The following DAB1 variants were observed in gnomAD, a reference collection of about 807,000 sequenced individuals.
The protein encoded by DAB1 is disabled homolog 1.
In DAB1, 15 loss-of-function variants were observed where a neutral mutation model predicts 64.6. The observed-to-expected ratio is 0.23, with a 90% CI of 0.16 to 0.36. The LOEUF (loss-of-function observed/expected upper bound fraction) is 0.36. Ranked by LOEUF, DAB1 falls within the 10% of genes least tolerant of loss-of-function variation. DAB1 has a pLI of 1.00. For missense variants in DAB1, 596 were observed against 706.7 expected, an observed-to-expected ratio of 0.84 and a Z score of 1.78; for synonymous variants, 235 against 251.9, an observed-to-expected ratio of 0.93 and a Z score of 0.64.
chr1:58,123,538 C>T (rs1373507628), intron 5 of DAB1, among the ~76,000 whole-genome samples: 2 of 152,100 alleles, frequency 1.3e-5, no homozygotes, highest in East Asian at 3.9e-4. Flanking sequence ...AACAGTTTAC[C>T]TTGACGAAGC....
chr1:58,444,350 G>A (rs1463056820), intron 3 of DAB1, among the ~76,000 whole-genome samples: 1 of 152,214 alleles, frequency 6.6e-6, no homozygotes, highest in African/African-American at 2.4e-5. Flanking sequence ...GTATAAGGTA[G>A]GAATTCTCCC....
At chr1:57,676,681 C>T (rs1465387749) in intron 6 of DAB1, among the ~76,000 whole-genome samples, 3 of 152,160 alleles carry the variant, frequency 2.0e-5, no homozygotes, top group Non-Finnish European at 4.4e-5. Context: ...AAAATTACAT[C>T]TCTTTCATTT....
At chr1:58,243,778 G>A (rs533832694) in intron 4 of DAB1, among the ~76,000 whole-genome samples, 1 of 152,220 alleles carries the variant, frequency 6.6e-6, no homozygotes, top group East Asian at 1.9e-4. Flanking sequence ...AAACAAGGCA[G>A]ATATTATTTC....
intron 2 of DAB1, among the ~76,000 whole-genome samples, chr1:57,233,252 A>ATTTTTT (rs1667824189): frequency 8.8e-5 from 5 of 56,878 alleles, no homozygotes; most frequent in African/African-American, 1.2e-4. Context: ...CTTTGCTCCG[A>ATTTTTT]TTCTTTTTTT....
intron 5 of DAB1, among the ~76,000 whole-genome samples, chr1:57,909,403 T>A (rs1005464283): frequency 6.6e-6 from 1 of 152,202 alleles, no homozygotes; most frequent in African/African-American, 2.4e-5. Flanking sequence ...TAAAATAAGC[T>A]ATAATTTTAT....
intron 5 of DAB1, among the ~76,000 whole-genome samples, chr1:58,054,684 A>G (rs1344633177): frequency 6.6e-6 from 1 of 152,234 alleles, no homozygotes; most frequent in African/African-American, 2.4e-5. Flanking sequence ...ATGATAGTAA[A>G]AAGCACATTT....
intron 5 of DAB1, among the ~76,000 whole-genome samples, chr1:57,917,680 A>G (rs1644747674): frequency 1.3e-5 from 2 of 152,178 alleles, no homozygotes; most frequent in South Asian, 2.1e-4. Context: ...ATCTATCCAT[A>G]TACTTCCAGG....
At chr1:57,512,457 A>C (rs1644416479) in intron 7 of DAB1, among the ~76,000 whole-genome samples, 1 of 152,244 alleles carries the variant, frequency 6.6e-6, no homozygotes, top group Non-Finnish European at 1.5e-5. Context: ...GTAGGTACAC[A>C]AAATAGTTAA....
intron 3 of DAB1, among the ~76,000 whole-genome samples, chr1:58,470,731 C>G (rs1208123293): frequency 6.6e-6 from 1 of 152,198 alleles, no homozygotes; most frequent in African/African-American, 2.4e-5. Context: ...CTTCCTGACT[C>G]CTGTCTACTT....
chr1:58,044,434 T>C (rs1647196126), intron 5 of DAB1, among the ~76,000 whole-genome samples: 1 of 151,924 alleles, frequency 6.6e-6, no homozygotes, highest in South Asian at 2.1e-4. Flanking sequence ...TTTCGCTTCT[T>C]AGCTCTTCCA....
intron 7 of DAB1, among the ~76,000 whole-genome samples, chr1:57,514,137 T>C (rs1276831975): frequency 1.3e-5 from 2 of 152,276 alleles, no homozygotes; most frequent in African/African-American, 4.8e-5. Context: ...AATACTGCTA[T>C]GATAAACATA....
chr1:57,055,271 C>T (rs978876719), intron 9 of DAB1, among the ~76,000 whole-genome samples: 8 of 152,070 alleles, frequency 5.3e-5, no homozygotes, highest in Non-Finnish European at 1.0e-4. Flanking sequence ...GCTCACAATT[C>T]CTAGGAAAGG....
At chr1:57,284,266 C>A (rs1558088725) in intron 2 of DAB1, among the ~76,000 whole-genome samples, 1 of 152,154 alleles carries the variant, frequency 6.6e-6, no homozygotes, top group African/African-American at 2.4e-5. Flanking sequence ...AAGGCCCCCT[C>A]CCCTGCGCCA....
chr1:57,175,046 C>T (rs373721797), intron 2 of DAB1, among the ~76,000 whole-genome samples: 42 of 152,226 alleles, frequency 2.8e-4, no homozygotes, highest in East Asian at 1.2e-3. Context: ...CTCAGAAGGA[C>T]GCGACATTTT....
intron 1 of DAB1, among the ~76,000 whole-genome samples, chr1:57,319,376 T>C (rs390203): frequency 0.58 from 80,744 of 140,128 alleles, 22,362 homozygotes; most frequent in East Asian, 0.9. Context: ...CTGCCTCTTC[T>C]GTGGCAGTTT....
Position 57,984,252 on chromosome 1 carries a change from G to A in DAB1, n.388-100090C>T, listed in dbSNP as rs982264776. The stretch of plus-strand genomic sequence containing the variant: ...AGAAAGAAAGAAAGAAAGAAAGAAA[G>A]AAAGAAAGAAAAAAAATTAAACAGC... On this transcript the variant is annotated intron_variant and non_coding_transcript_variant, in intron 5 of 20. Coordinates refer to the DAB1 transcript ENST00000485760. Among the ~76,000 whole-genome samples the A allele has an allele frequency of 3.1e-3, 413 of 132,868 alleles. 6 individuals carry two copies. The highest frequency in any genetic ancestry group is 7.7e-3 in the African/African-American group (267 of 34,496). The allele number at this position is 132,868 out of a possible 152,430, so 87.2% of individuals were successfully genotyped here. A position where few individuals can be genotyped will look rare whatever the true frequency, so the allele number is the denominator to read the frequency against.
intron 7 of DAB1, among the ~76,000 whole-genome samples, chr1:57,472,303 C>A (rs1687166604): frequency 6.6e-6 from 1 of 152,212 alleles, no homozygotes; most frequent in South Asian, 2.1e-4. Context: ...TCCAGAAGAG[C>A]AGCAATGCTG....
intron 4 of DAB1, among the ~76,000 whole-genome samples, chr1:57,092,697 G>A (rs1396242079): frequency 2.0e-5 from 3 of 149,522 alleles, no homozygotes; most frequent in Admixed American, 6.7e-5. Context: ...GCATGCCTGA[G>A]CAATAACAAC....
chr1:58,530,596 C>A, intron 1 of DAB1: 1 of 871,396 alleles, frequency 1.1e-6, no homozygotes, highest in Non-Finnish European at 2.0e-6. Context: ...TTGTCTCAGA[C>A]TTACCTCCTG....
Sources: gnomAD v4.1 joint callset for allele counts (sites outside exome capture counted in the v4.1 genomes callset) on GRCh38, gnomAD v4.1.1 for gene constraint, MANE v1.5 for transcripts, NCBI Gene and HGNC (gene_info 2026-07-23, HGNC 2026-07-21) for gene names.